The following RABGAP1L variants were observed in gnomAD, a reference collection of about 807,000 sequenced individuals.
RABGAP1L encodes RAB GTPase activating protein 1 like, also known as rab GTPase-activating protein 1-like.
In RABGAP1L, 63 loss-of-function variants were observed where a neutral mutation model predicts 137.7. The observed-to-expected ratio is 0.46, with a 90% CI of 0.37 to 0.56. The LOEUF is 0.56. RABGAP1L is among the 20% of genes least tolerant of loss of function. The probability of loss-of-function intolerance (pLI) is 0.00; values close to 1 mark genes in which losing one functional copy is unlikely to be tolerated. For synonymous variants in RABGAP1L, 431 were observed against 433.7 expected (o/e 0.99, Z 0.08); for missense variants, 1,095 against 1,244.0 (o/e 0.88, Z 1.80).
At chr1:174,970,079 A>G (rs1670004427) in intron 21 of RABGAP1L, among the ~76,000 whole-genome samples, 1 of 152,222 alleles carries the variant, frequency 6.6e-6, no homozygotes, top group African/African-American at 2.4e-5. Flanking sequence ...AGGATATGGA[A>G]GGTAGAAAAA....
intron 18 of RABGAP1L, among the ~76,000 whole-genome samples, chr1:174,787,403 A>C (rs894923244): frequency 1.5e-4 from 3 of 20,506 alleles, no homozygotes; most frequent in African/African-American, 3.0e-4. Flanking sequence ...ACTCTGTGTC[A>C]AAAAAAAAAA....
chr1:174,378,751 A>G (rs1685823532), intron 12 of RABGAP1L, among the ~76,000 whole-genome samples: 1 of 147,768 alleles, frequency 6.8e-6, no homozygotes, highest in Non-Finnish European at 1.5e-5. Context: ...GTTCACTCTG[A>G]TGGTAGTTTC....
chr1:174,384,352 C>G (rs78835933), intron 12 of RABGAP1L, among the ~76,000 whole-genome samples: 1 of 151,970 alleles, frequency 6.6e-6, no homozygotes, highest in South Asian at 2.1e-4. Flanking sequence ...GTAGTGCTCA[C>G]AAACCTATGT....
chr1:174,960,745 G>A (rs554732425), intron 20 of RABGAP1L, among the ~76,000 whole-genome samples: 1 of 152,260 alleles, frequency 6.6e-6, no homozygotes, highest in East Asian at 1.9e-4. Context: ...GCAGGAGGGA[G>A]AGCTTCCTGT....
intron 9 of RABGAP1L, among the ~76,000 whole-genome samples, chr1:174,276,830 A>G (rs561185015): frequency 2.6e-5 from 4 of 152,052 alleles, no homozygotes; most frequent in East Asian, 1.9e-4. Flanking sequence ...TTTCATTCCT[A>G]CTTCATCCAG....
At chr1:174,345,458 T>C (rs1682350112) in intron 11 of RABGAP1L, among the ~76,000 whole-genome samples, 1 of 152,212 alleles carries the variant, frequency 6.6e-6, no homozygotes, top group African/African-American at 2.4e-5. Context: ...TCCTCTTTGA[T>C]TTCTTTCATC....
chr1:174,377,761 T>TCTC (rs753770112), intron 12 of RABGAP1L, among the ~76,000 whole-genome samples: 31,178 of 103,452 alleles, frequency 0.3, 3,530 homozygotes, highest in African/African-American at 0.34. Flanking sequence ...CTGCAACTCT[T>TCTC]TTTTTTTTTT....
chr1:174,857,792 CTTG>C (rs1018973067), intron 19 of RABGAP1L, among the ~76,000 whole-genome samples: 2 of 152,158 alleles, frequency 1.3e-5, no homozygotes, highest in Admixed American at 6.5e-5. Context: ...TGTGTGTATT[CTTG>C]TTGTAATCTA....
chr1:174,328,555 A>G (rs894325665), intron 11 of RABGAP1L, among the ~76,000 whole-genome samples: 9 of 152,248 alleles, frequency 5.9e-5, no homozygotes, highest in South Asian at 2.1e-4. Flanking sequence ...GAATCATTTG[A>G]GGTCAGGAGT....
intron 18 of RABGAP1L, among the ~76,000 whole-genome samples, chr1:174,780,664 A>ACCCATT (rs1479382828): frequency 6.6e-6 from 1 of 150,806 alleles, no homozygotes; most frequent in Non-Finnish European, 1.5e-5. Context: ...GGTGTGCTGC[A>ACCCATT]CCCATTAACT....
At chr1:174,304,902 C>A in intron 10 of RABGAP1L, 84 bp from the exon 11 acceptor site, 1 of 1,256,754 alleles carries the variant, frequency 8.0e-7, no homozygotes, top group Non-Finnish European at 1.1e-6. Flanking sequence ...CATTGCAGCT[C>A]TTTTGAATGC....
chr1:174,843,135 G>A (rs1405367827), intron 19 of RABGAP1L, among the ~76,000 whole-genome samples: 2 of 151,022 alleles, frequency 1.3e-5, no homozygotes, highest in East Asian at 1.9e-4. Context: ...CTACTGATTC[G>A]TAATTTTTTC....
chr1:174,718,908 C>T (rs1231210829), intron 17 of RABGAP1L, among the ~76,000 whole-genome samples: 3 of 148,604 alleles, frequency 2.0e-5, no homozygotes, highest in South Asian at 2.1e-4. Flanking sequence ...GGTGCCATCT[C>T]GGCTCACCAC....
chr1:174,974,475 A>G (rs543287853), intron 21 of RABGAP1L, among the ~76,000 whole-genome samples: 3 of 152,152 alleles, frequency 2.0e-5, no homozygotes, highest in African/African-American at 7.2e-5. Context: ...TTTATGCCAC[A>G]TCCTTTCATG....
chr1:174,808,655 T>C, intron 18 of RABGAP1L, among the ~76,000 whole-genome samples: 1 of 151,136 alleles, frequency 6.6e-6, no homozygotes, highest in Admixed American at 6.6e-5. Context: ...TTTTTCTTTC[T>C]TTCTTTTTTT....
rs181240745 is a variant in RABGAP1L, at chr1:174,678,775, C to A, written c.1825-4747C>A. Among the ~76,000 whole-genome samples, 427 of 152,260 alleles carry A rather than the reference C, an allele frequency of 2.8e-3. 1 individual carries two copies. Among genetic ancestry groups the A allele is most frequent in the African/African-American group, 9.8e-3 (407 of 41,542 alleles). On this transcript the variant is annotated intron_variant, in intron 14 of 25. Coordinates refer to ENST00000681986, the MANE Select transcript of RABGAP1L (RefSeq NM_001366446.1). The stretch of plus-strand genomic sequence containing the variant: ...TGATTGTTATAGCTCTATTCAGCTC[C>A]ATTAGAATGAACCCCAGGCACTTAG...
intron 18 of RABGAP1L, among the ~76,000 whole-genome samples, chr1:174,780,423 C>A (rs1686885214): frequency 6.6e-6 from 1 of 152,124 alleles, no homozygotes; most frequent in South Asian, 2.1e-4. Flanking sequence ...CTTCCTAAAT[C>A]TCATGTTTTT....
intron 13 of RABGAP1L, among the ~76,000 whole-genome samples, chr1:174,447,440 A>G (rs1654888617): frequency 6.6e-6 from 1 of 152,182 alleles, no homozygotes; most frequent in Admixed American, 6.5e-5. Flanking sequence ...TTTTAGAAAA[A>G]TGAGAAATAG....
At chr1:174,644,364 C>A (rs1674780149) in intron 14 of RABGAP1L, among the ~76,000 whole-genome samples, 1 of 151,916 alleles carries the variant, frequency 6.6e-6, no homozygotes, top group Non-Finnish European at 1.5e-5. Context: ...TTGAAGCCAT[C>A]ACACTCTTAC....
Sources: allele counts gnomAD v4.1 joint callset (sites outside exome capture counted in the v4.1 genomes callset), GRCh38; gene constraint gnomAD v4.1.1; transcripts MANE v1.5; gene names NCBI Gene and HGNC (gene_info 2026-07-23, HGNC 2026-07-21).